The following EYS variants were observed in gnomAD, a reference collection of about 807,000 sequenced individuals.
The protein encoded by EYS is protein eyes shut homolog.
Under a neutral mutation model 282.1 loss-of-function variants are expected in EYS, and 250 were observed. That is an observed-to-expected ratio of 0.89 (90% CI 0.80 to 0.98). The LOEUF (loss-of-function observed/expected upper bound fraction) is 0.98. Among genes scored for constraint, EYS ranks in the 50% least tolerant of loss-of-function variants. The probability of loss-of-function intolerance (pLI) is 0.00; values close to 1 mark genes in which losing one functional copy is unlikely to be tolerated. For synonymous variants in EYS, 1,355 were observed against 1,282.9 expected (o/e 1.06, Z -1.20); for missense variants, 4,016 against 3,709.0 (o/e 1.08, Z -2.15).
At chr6:63,850,249 C>G (rs1428275982) in intron 36 of EYS, among the ~76,000 whole-genome samples, 2 of 152,140 alleles carry the variant, frequency 1.3e-5, no homozygotes, top group Non-Finnish European at 2.9e-5. Context: ...TTGGAAAACA[C>G]ACTTCAGGAT....
chr6:65,660,755 T>C (rs1767977435), intron 1 of EYS, among the ~76,000 whole-genome samples: 1 of 151,862 alleles, frequency 6.6e-6, no homozygotes, highest in African/African-American at 2.4e-5. Context: ...TGTGATCACC[T>C]TAATTTCTTG....
At chr6:64,912,333 T>C (rs1285687550) in intron 16 of EYS, 151 bp downstream of exon 16, 3 of 606,620 alleles carry the variant, frequency 4.9e-6, no homozygotes, top group East Asian at 5.6e-5. Flanking sequence ...TACATTTTTA[T>C]AACTGGATTT....
chr6:64,631,001 C>A (rs1767760040), intron 22 of EYS, among the ~76,000 whole-genome samples: 2 of 152,128 alleles, frequency 1.3e-5, no homozygotes, highest in South Asian at 2.1e-4. Flanking sequence ...AAATTACTTA[C>A]CCAACTTGTT....
chr6:65,159,869 A>G (rs1764810961), intron 12 of EYS, among the ~76,000 whole-genome samples: 1 of 150,982 alleles, frequency 6.6e-6, no homozygotes, highest in Admixed American at 6.6e-5. Flanking sequence ...ACAGTTGGAG[A>G]GAGAGAAGAG....
At chr6:65,587,361 A>G (rs1391708694) in intron 2 of EYS, among the ~76,000 whole-genome samples, 2 of 152,076 alleles carry the variant, frequency 1.3e-5, no homozygotes, top group Non-Finnish European at 2.9e-5. Context: ...GTATCGTGAG[A>G]GGGACCCCAT....
At chr6:65,675,247 TAA>T (rs1266295388) in intron 1 of EYS, among the ~76,000 whole-genome samples, 5 of 151,724 alleles carry the variant, frequency 3.3e-5, no homozygotes, top group African/African-American at 7.3e-5. Context: ...ATGGCAATAA[TAA>T]GTCTTTATCA....
rs773799566 is a variant in EYS at position 65,353,623 on chromosome 6, A to G, written c.1300-6T>C. 9.9e-6 allele frequency: 16 copies of G among 1,609,034 alleles called. No individual in the cohort carries two copies. The highest frequency in any genetic ancestry group is 1.3e-5 in the Non-Finnish European group (15 of 1,175,990). ...CACCCTGGAATGCATACATACTGCA[A>G]AAAGGAAACAAGGAAAAATGGTAAA... On this transcript the variant is annotated splice_polypyrimidine_tract_variant and splice_region_variant and intron_variant, in intron 8 of 42. Transcript: ENST00000503581.
chr6:65,218,030 G>T (rs1766360693), intron 12 of EYS, among the ~76,000 whole-genome samples: 1 of 152,028 alleles, frequency 6.6e-6, no homozygotes, highest in Admixed American at 6.6e-5. Context: ...AGCTGAATTA[G>T]ATAATAGTGG....
chr6:65,065,404 A>T (rs774342166), intron 12 of EYS, among the ~76,000 whole-genome samples: 13 of 146,304 alleles, frequency 8.9e-5, no homozygotes, highest in Non-Finnish European at 1.5e-4. Context: ...TTTTTTTGAG[A>T]TGGAGTATCG....
intron 12 of EYS, among the ~76,000 whole-genome samples, chr6:65,262,781 G>C (rs890005250): frequency 2.6e-5 from 4 of 152,106 alleles, no homozygotes; most frequent in East Asian, 1.9e-4. Flanking sequence ...GCTCATGTAG[G>C]TATCTCTATA....
chr6:63,917,026 G>T (rs756608814), intron 35 of EYS, among the ~76,000 whole-genome samples: 2 of 152,226 alleles, frequency 1.3e-5, no homozygotes, highest in Non-Finnish European at 2.9e-5. Flanking sequence ...GTGAGGAAAG[G>T]AAAGAATTTA....
At chr6:65,172,607 G>A (rs1318013203) in intron 12 of EYS, among the ~76,000 whole-genome samples, 1 of 150,874 alleles carries the variant, frequency 6.6e-6, no homozygotes, top group Non-Finnish European at 1.5e-5. Flanking sequence ...TTCTAATATG[G>A]CAATCAGCTA....
At chr6:63,816,643 A>G (rs1029601483) in intron 36 of EYS, among the ~76,000 whole-genome samples, 3 of 152,240 alleles carry the variant, frequency 2.0e-5, no homozygotes, top group Non-Finnish European at 2.9e-5. Flanking sequence ...CTCAGCTACA[A>G]ATAATTTCTA....
chr6:64,871,116 T>C (rs532562395), intron 19 of EYS, among the ~76,000 whole-genome samples: 1 of 152,022 alleles, frequency 6.6e-6, no homozygotes, highest in African/African-American at 2.4e-5. Context: ...AAAATTAAGT[T>C]TCTACGATTT....
chr6:65,109,773 C>T (rs543839302), intron 12 of EYS, among the ~76,000 whole-genome samples: 1 of 152,216 alleles, frequency 6.6e-6, no homozygotes, highest in East Asian at 1.9e-4. Flanking sequence ...ACTCTGCCTA[C>T]CTACCCTTCT....
chr6:64,591,951 G>C lies in EYS; in HGVS notation c.3916C>G (p.Pro1306Ala). 6.6e-7 allele frequency: 1 copy of C among 1,520,454 alleles called. No homozygotes were observed. Among genetic ancestry groups the C allele is most frequent in the Non-Finnish European group, 8.9e-7 (1 of 1,129,754 alleles). 94.2% of individuals were successfully genotyped at this position (1,520,454 alleles called of 1,614,324 possible). A position where few individuals can be genotyped will look rare whatever the true frequency, so the allele number is the denominator to read the frequency against. Residue 1306 changes from proline to alanine, a missense_variant, in exon 26 of 43, where the codon CCA (proline) becomes GCA (alanine). By Grantham distance (27) the Pro-to-Ala change is conservative. Transcript: ENST00000503581. Reference protein sequence around the residue: ...QTGIVKHDILPTTGLATLRIS... With the variant: ...QTGIVKHDILATTGLATLRIS... The stretch of plus-strand genomic sequence containing the variant: ...CTTAATGTTGCCAAACCAGTGGTTG[G>C]GAGAATGTCGTGCTTGACAATGCCT...
chr6:65,510,804 A>G lies in EYS; in HGVS notation c.-332-14811T>C, dbSNP rs1766839253. On this transcript the variant is annotated intron_variant, in intron 2 of 42. Transcript: ENST00000503581. ...TATGTGTGTTGTTGTTAATTTAGAA[A>G]TTTGTTATTTAATTCTAAAATAGTA... is the stretch of plus-strand genomic sequence containing the variant. Among the ~76,000 whole-genome samples the G allele has an allele frequency of 2.0e-5, 3 of 152,162 alleles. No individual in the cohort carries two copies. In the South Asian group the frequency reaches 6.2e-4, roughly 31 times the overall value.
chr6:64,557,430 A>C (rs58183448), intron 26 of EYS, among the ~76,000 whole-genome samples: 4,601 of 151,986 alleles, frequency 0.03, 152 homozygotes, highest in East Asian at 0.11. Context: ...AAAACATGTT[A>C]TTTTTGATAT....
At chr6:64,308,188 G>T (rs2150376659) in intron 29 of EYS, among the ~76,000 whole-genome samples, 1 of 152,086 alleles carries the variant, frequency 6.6e-6, no homozygotes, top group East Asian at 1.9e-4. Flanking sequence ...AATCTATAAA[G>T]ATTTGTGATA....
Sources: allele counts gnomAD v4.1 joint callset (sites outside exome capture counted in the v4.1 genomes callset), GRCh38; gene constraint gnomAD v4.1.1; transcripts MANE v1.5; gene names NCBI Gene and HGNC (gene_info 2026-07-23, HGNC 2026-07-21).